The following INTU variants were observed in gnomAD, a reference collection of about 807,000 sequenced individuals.
INTU encodes protein inturned.
INTU carries 68 observed loss-of-function variants against 100.5 expected under a neutral mutation model. The observed-to-expected ratio is 0.68, with a 90% CI of 0.56 to 0.83. The LOEUF (loss-of-function observed/expected upper bound fraction) is 0.83, where lower values mean the gene tolerates loss of function less well. Ranked by LOEUF, INTU falls within the 40% of genes least tolerant of loss-of-function variation. The pLI is 0.00. For synonymous variants in INTU, 357 were observed against 395.7 expected (o/e 0.90, Z 1.16); for missense variants, 1,071 against 1,114.7 (o/e 0.96, Z 0.56).
intron 6 of INTU, 61 bp downstream of exon 6, chr4:127,674,274 T>C: frequency 7.8e-7 from 1 of 1,283,626 alleles, no homozygotes. Context: ...TTTGTTTTGT[T>C]AAAATTATTA....
In INTU at chr4:127,644,956, C is replaced by G. The variant is rs13133724; in HGVS notation, c.682+900C>G. Among the ~76,000 whole-genome samples the G allele has an allele frequency of 2.4e-3, 370 of 152,282 alleles. 2 individuals are homozygous for G. The highest frequency in any genetic ancestry group is 3.1e-3 in the Non-Finnish European group (208 of 68,018). ...CTAAGTGCCAGGAATACAAAGATTA[C>G]TTTACTGATCCAATTATTTCTTGAA... is the stretch of plus-strand genomic sequence containing the variant. On this transcript the variant is annotated intron_variant, in intron 2 of 15. Coordinates refer to ENST00000335251, the MANE Select transcript of INTU (RefSeq NM_015693.4).
chr4:127,633,953 C>T (rs1300819248), intron 1 of INTU, among the ~76,000 whole-genome samples: 2 of 152,122 alleles, frequency 1.3e-5, no homozygotes, highest in African/African-American at 4.8e-5. Context: ...AATGACTAAT[C>T]GTGAAAAAGT....
At chr4:127,704,163 G>C in intron 9 of INTU, 65 bp from the exon 10 acceptor site, 1 of 1,336,858 alleles carries the variant, frequency 7.5e-7, no homozygotes. Context: ...AACTATTATA[G>C]CTTAATTGGA....
Position 127,707,011 on chromosome 4 carries a change from G to A in INTU, c.2271+42G>A, listed in dbSNP as rs553465647. 8.3e-6 allele frequency: 13 copies of A among 1,563,158 alleles called. No individual in the cohort carries two copies. In the South Asian group the frequency reaches 1.6e-4, roughly 19 times the overall value. On this transcript the variant is annotated intron_variant, in intron 12 of 15. Transcript: ENST00000335251. ...GTGTGTATGTTCTGGGAGCTAAGTTGTCTCTCCAGTCCTTGTTTTATAATT... is the reference window on the plus strand; with the variant it reads ...GTGTGTATGTTCTGGGAGCTAAGTTATCTCTCCAGTCCTTGTTTTATAATT...
intron 4 of INTU, among the ~76,000 whole-genome samples, chr4:127,664,426 T>C (rs73847034): frequency 0.017 from 2,659 of 152,150 alleles, 69 homozygotes; most frequent in African/African-American, 0.06. Flanking sequence ...TGGTTTCTTG[T>C]CTGCTTTGCC....
intron 2 of INTU, among the ~76,000 whole-genome samples, chr4:127,645,334 G>A (rs1207818092): frequency 6.6e-6 from 1 of 152,056 alleles, no homozygotes; most frequent in Non-Finnish European, 1.5e-5. Context: ...AGTCACCATT[G>A]TGTGAAGAGG....
intron 2 of INTU, among the ~76,000 whole-genome samples, chr4:127,650,783 G>GA (rs1727823033): frequency 6.6e-6 from 1 of 151,540 alleles, no homozygotes; most frequent in South Asian, 2.1e-4. Flanking sequence ...CTAGATCCCT[G>GA]AGGAATCGCC....
Position 127,643,824 on chromosome 4 carries a change from A to C in INTU, c.450A>C (p.Thr150=). 6.2e-7 allele frequency: 1 copy of C among 1,614,088 alleles called. No homozygotes were observed. The highest frequency in any genetic ancestry group is 8.5e-7 in the Non-Finnish European group (1 of 1,179,994). Residue 150 remains threonine, a synonymous_variant, in exon 2 of 16, where the codon ACA becomes ACC. Coordinates refer to ENST00000335251, the MANE Select transcript of INTU (RefSeq NM_015693.4). ...TAAAGCATCAGTCCAATCAGAAGACAGGAGTCATTGTCCAACAGCGATACA... is the reference window on the plus strand; with the variant it reads ...TAAAGCATCAGTCCAATCAGAAGACCGGAGTCATTGTCCAACAGCGATACA... ...SILKHQSNQK[T]GVIVQQRYKD...
At chr4:127,667,257 A>G (rs757854802) in intron 4 of INTU, among the ~76,000 whole-genome samples, 19 of 152,152 alleles carry the variant, frequency 1.2e-4, no homozygotes, top group Non-Finnish European at 2.6e-4. Flanking sequence ...CCAGCCCTGT[A>G]TCAACATTGT....
intron 2 of INTU, among the ~76,000 whole-genome samples, chr4:127,655,843 G>C (rs575095909): frequency 6.6e-6 from 1 of 152,320 alleles, no homozygotes; most frequent in South Asian, 2.1e-4. Flanking sequence ...CTTGCAGTTT[G>C]ATCTCAGACT....
chr4:127,665,110 TG>T (rs1728637931), intron 4 of INTU, among the ~76,000 whole-genome samples: 1 of 151,522 alleles, frequency 6.6e-6, no homozygotes, highest in African/African-American at 2.4e-5. Context: ...CCTTTACTCA[TG>T]TGCTATTGTC....
rs1227575196 is a variant in INTU, at chr4:127,718,079, G to A, written c.*1643G>A. 1 of 152,090 alleles carries A rather than the reference G, an allele frequency of 6.6e-6. No homozygotes were observed. The highest frequency in any genetic ancestry group is 1.5e-5 in the Non-Finnish European group (1 of 68,014). 9.4% of individuals were successfully genotyped at this position (152,090 alleles called of 1,614,324 possible). A position where few individuals can be genotyped will look rare whatever the true frequency, so the allele number is the denominator to read the frequency against. ...CTTTGCCCATGCTCATGTCTTAAAT[G>A]GTATTGCCTAGATTTTCTTCTAGGG... On this transcript the variant is annotated 3_prime_UTR_variant, in exon 16 of 16. Transcript: ENST00000335251.
chr4:127,710,826 A>G (rs1332863482), intron 13 of INTU, 87 bp from the exon 14 acceptor site: 2 of 729,380 alleles, frequency 2.7e-6, no homozygotes, highest in Admixed American at 3.2e-5. Context: ...AAAGCTTATA[A>G]GAAGTCTACT....
intron 14 of INTU, 33 bp from the exon 15 acceptor site, chr4:127,713,903 C>T: frequency 6.8e-7 from 1 of 1,460,676 alleles, no homozygotes; most frequent in South Asian, 1.3e-5. Flanking sequence ...CTGGTAATAC[C>T]AGTTAATACT....
chr4:127,700,119 A>T (rs148573862), intron 9 of INTU, 56 bp downstream of exon 9: 18,304 of 1,245,826 alleles, frequency 0.015, 182 homozygotes, highest in Non-Finnish European at 0.019. Context: ...TTTGTATAAC[A>T]GTCATTATTC....
rs554591882 is a variant in INTU, at chr4:127,704,927, A to G, written c.1566+637A>G. 3.3e-3 allele frequency among the ~76,000 whole-genome samples: 506 copies of G among 152,074 alleles called. 2 individuals are homozygous for G. Among genetic ancestry groups the G allele is most frequent in the Admixed American group, 5.2e-3 (79 of 15,272 alleles). ...ACATGGTGAAACCCCATCTCTACTA[A>G]AAATACAAAAAAAAATTATCTGGGT... is the stretch of plus-strand genomic sequence containing the variant. On this transcript the variant is annotated intron_variant, in intron 10 of 15. Transcript: ENST00000335251.
In INTU at chr4:127,717,064, A is replaced by G. The variant is rs1488960753; in HGVS notation, c.*628A>G. 2 of 152,210 alleles carry G rather than the reference A, an allele frequency of 1.3e-5. No homozygotes were observed. The highest frequency in any genetic ancestry group is 2.9e-5 in the Non-Finnish European group (2 of 68,044). The allele number at this position is 152,210 out of a possible 1,614,324, so 9.4% of individuals were successfully genotyped here. On this transcript the variant is annotated 3_prime_UTR_variant, in exon 16 of 16. Coordinates refer to ENST00000335251, the MANE Select transcript of INTU (RefSeq NM_015693.4). ...TTCGTTACATAGGTAAACATGTGCC[A>G]TGGCGGTTTGCTCCACCTATCAACC... is the stretch of plus-strand genomic sequence containing the variant.
At chr4:127,685,640 A>G (rs542477041) in intron 7 of INTU, 169 of 280,078 alleles carry the variant, frequency 6.0e-4, no homozygotes, top group Non-Finnish European at 1.0e-3. Flanking sequence ...GTTTTAACCA[A>G]TGAAGAGTAA....
chr4:127,662,472 T>C (rs1365201791), intron 3 of INTU, among the ~76,000 whole-genome samples: 1 of 152,178 alleles, frequency 6.6e-6, no homozygotes, highest in Non-Finnish European at 1.5e-5. Flanking sequence ...GTTTCATTCT[T>C]CTATGTGTGG....
Sources: allele counts gnomAD v4.1 joint callset (sites outside exome capture counted in the v4.1 genomes callset), GRCh38; gene constraint gnomAD v4.1.1; transcripts MANE v1.5; gene names NCBI Gene and HGNC (gene_info 2026-07-23, HGNC 2026-07-21).